Variants in USP19 observed in about 807,000 individuals in gnomAD.
USP19 encodes the protein ubiquitin specific peptidase 19.
USP19 carries 40 observed loss-of-function variants against 144.8 expected under a neutral mutation model. The observed-to-expected ratio is 0.28, with a 90% CI of 0.21 to 0.36. The LOEUF (loss-of-function observed/expected upper bound fraction) is 0.36, where lower values mean the gene tolerates loss of function less well. Ranked by LOEUF, USP19 falls within the 10% of genes least tolerant of loss-of-function variation. USP19 has a pLI of 1.00. For missense variants in USP19, 1,518 were observed against 1,822.5 expected (o/e 0.83, Z 3.04); for synonymous variants, 701 against 709.3 (o/e 0.99, Z 0.19).
chr3:49,118,753 A>G (rs2044624810), intron 2 of USP19, among the ~76,000 whole-genome samples: 1 of 152,126 alleles, frequency 6.6e-6, no homozygotes, highest in Non-Finnish European at 1.5e-5. Flanking sequence ...TCTCAAAAAA[A>G]AAAGGAAAAA....
At position 49,112,397 on chromosome 3, in the gene USP19, G is replaced by A. The variant is rs1208489084; in HGVS notation, c.2652C>T (p.Pro884=). ...TGGAGATGGGGACGCTGGGCACCTG[G>A]GGGCGCTAGGGTGGGTCGTCTGGCT... is the stretch of plus-strand genomic sequence containing the variant. ...RVVVLEVQQR[P]QVPSVPISKC... Residue 884 remains proline, a synonymous_variant, in exon 19 of 27, where the codon CCC becomes CCT. Coordinates refer to ENST00000417901, the MANE Select transcript of USP19 (RefSeq NM_001199161.2). The surrounding 1 kb of genome is among the most constrained non-coding windows in gnomAD (Gnocchi z 4.9). 2.5e-6 allele frequency: 4 copies of A among 1,613,966 alleles called. No homozygotes were observed. Among genetic ancestry groups the A allele is most frequent in the Non-Finnish European group, 3.4e-6 (4 of 1,179,950 alleles).
chr3:49,111,655 G>A lies in USP19; in HGVS notation c.3062C>T (p.Pro1021Leu). The A allele has an allele frequency of 6.2e-7, 1 of 1,604,540 alleles. No homozygotes were observed. The highest frequency in any genetic ancestry group is 8.5e-7 in the Non-Finnish European group (1 of 1,174,878). ...AAGCCCTGTGTCCCCCTCAGCCATA[G>A]GGGTCACCAGCTGGAGCTCAGGTGG... ...IQPPELQLVT[P>L]MAEGDTGLPR... Residue 1021 changes from proline (P) to leucine (L), a missense_variant, in exon 21 of 27, where the codon CCT becomes CTT. Pro to Leu is a moderately conservative substitution (Grantham distance 98). Coordinates refer to ENST00000417901, the MANE Select transcript of USP19 (RefSeq NM_001199161.2). This position sits in a 1 kb window ranked among gnomAD's most constrained non-coding sequence, Gnocchi z 5.9.
Position 49,117,551 on chromosome 3 carries a change from A to G in USP19, c.492T>C (p.Gly164=), listed in dbSNP as rs2044370645. 6.2e-7 allele frequency: 1 copy of G among 1,613,946 alleles called. No individual in the cohort carries two copies. Among genetic ancestry groups the G allele is most frequent in the African/African-American group, 1.3e-5 (1 of 74,896 alleles). Reference sequence around the variant, plus strand: ...AGCTTTTTATCTCAGCATAGAAGACACCACCCCACTGCTGACCACCTGGGG... The same window carrying G: ...AGCTTTTTATCTCAGCATAGAAGACGCCACCCCACTGCTGACCACCTGGGG... ...VRFAGGQQWG[G]VFYAEIKSSC... is the part of the protein sequence containing the mutation. The change falls in exon 5 of 27, where the codon GGT becomes GGC. Residue 164 remains glycine, a synonymous_variant. Transcript: ENST00000417901. The surrounding 1 kb of genome is among the most constrained non-coding windows in gnomAD (Gnocchi z 4.4).
chr3:49,119,287 G>C lies in USP19; in HGVS notation c.-136-6C>G. 1 of 1,194,630 alleles carries C rather than the reference G, an allele frequency of 8.4e-7. No homozygotes were observed. The highest frequency in any genetic ancestry group is 1.1e-6 in the Non-Finnish European group (1 of 876,874). 74.0% of individuals were successfully genotyped at this position (1,194,630 alleles called of 1,614,324 possible). A position where few individuals can be genotyped will look rare whatever the true frequency, so the allele number is the denominator to read the frequency against. On this transcript the variant is annotated splice_polypyrimidine_tract_variant and splice_region_variant and intron_variant, in intron 1 of 26. Coordinates refer to ENST00000417901, the MANE Select transcript of USP19 (RefSeq NM_001199161.2). Reference sequence around the variant, plus strand: ...TCCAGCAAGGAACGGACAGCCTAATGGAAAGAAGCCAGTGATCACTGCCAA... The same window carrying C: ...TCCAGCAAGGAACGGACAGCCTAATCGAAAGAAGCCAGTGATCACTGCCAA...
Position 49,110,903 on chromosome 3 carries a change from T to C in USP19, c.3546-40A>G, listed in dbSNP as rs2043054742. On this transcript the variant is annotated intron_variant, in intron 23 of 26. Transcript: ENST00000417901. The surrounding 1 kb of genome is among the most constrained non-coding windows in gnomAD (Gnocchi z 6.1). ...GATTGGGTCAGGACCAGCAAGTCTC[T>C]CTCTTCTCCATCCTGCCCCCTTATC... 3.7e-6 allele frequency: 6 copies of C among 1,613,548 alleles called. No individual in the cohort carries two copies. In the Admixed American group the frequency reaches 5.0e-5, roughly 13 times the overall value.
At position 49,115,503 on chromosome 3, in the gene USP19, A is replaced by G; in HGVS notation, c.1829T>C (p.Phe610Ser). ...TGLVNLGNTC[F>S]MNSVIQSLSN... is the part of the protein sequence containing the mutation. ...CAGAGACTGAATGACGCTGTTCATGAAGCAGGTGTTGCCTAAATTGACAAG... is the reference window on the plus strand; with the variant it reads ...CAGAGACTGAATGACGCTGTTCATGGAGCAGGTGTTGCCTAAATTGACAAG... Residue 610 changes from phenylalanine (F) to serine (S), a missense_variant, in exon 12 of 27, where the codon TTC (phenylalanine) becomes TCC (serine). This residue lies in a region of USP19 where 158 missense variants were observed against 277.3 expected (regional missense o/e 0.57). Transcript: ENST00000417901. This position sits in a 1 kb window ranked among gnomAD's most constrained non-coding sequence, Gnocchi z 6.6. 6.2e-7 allele frequency: 1 copy of G among 1,614,178 alleles called. No individual in the cohort carries two copies. The highest frequency in any genetic ancestry group is 8.5e-7 in the Non-Finnish European group (1 of 1,180,020).
At position 49,111,353 on chromosome 3, in the gene USP19, C is replaced by T; in HGVS notation, c.3230G>A (p.Gly1077Glu). Residue 1077 changes from glycine (G) to glutamate (E), a missense_variant, in exon 22 of 27, where the codon GGG becomes GAG. Gly to Glu is a moderately conservative substitution (Grantham distance 98, BLOSUM62 -2). This residue lies in a region of USP19 where 413 missense variants were observed against 515.8 expected (regional missense o/e 0.80). Transcript: ENST00000417901. The surrounding 1 kb of genome is among the most constrained non-coding windows in gnomAD (Gnocchi z 5.9). ...RVSRPEAAVPGYQHPSEAMNA... is the reference protein window; with the variant it reads ...RVSRPEAAVPEYQHPSEAMNA... ...CATAGCTTCACTTGGATGCTGGTAC[C>T]CAGGCACAGCAGCTGTGTGAGAACA... 5 of 1,614,100 alleles carry T rather than the reference C, an allele frequency of 3.1e-6. No individual in the cohort carries two copies. The highest frequency in any genetic ancestry group is 4.2e-6 in the Non-Finnish European group (5 of 1,180,026).
chr3:49,113,434 G>A (rs549659912), intron 17 of USP19, among the ~76,000 whole-genome samples: 210 of 151,678 alleles, frequency 1.4e-3, no homozygotes, highest in Non-Finnish European at 2.4e-3. Flanking sequence ...GTGCCACCAC[G>A]CCCGGCTAAC....
At chr3:49,109,109 C>CCCCAGGGA (rs1559981834) in intron 26 of USP19, 3 of 1,570,524 alleles carry the variant, frequency 1.9e-6, no homozygotes, top group Non-Finnish European at 2.6e-6. Context: ...GTCTTGGGGC[C>CCCCAGGGA]CCCAGGGACC....
At position 49,114,070 on chromosome 3, in the gene USP19, C is replaced by T; in HGVS notation, c.2427G>A (p.Glu809=). Residue 809 remains glutamate, a synonymous_variant, in exon 17 of 27, where the codon GAG becomes GAA. Coordinates refer to ENST00000417901, the MANE Select transcript of USP19 (RefSeq NM_001199161.2). The surrounding 1 kb of genome is among the most constrained non-coding windows in gnomAD (Gnocchi z 4.5). ...CCAATACTTCGCTCGCAGTGGAGTT[C>T]TCCTTGCTGACGCTCACCAGGAACT... ...PIKFLVSVSK[E]NSTASEVLDS... 1.9e-6 allele frequency: 3 copies of T among 1,614,232 alleles called. No homozygotes were observed. The highest frequency in any genetic ancestry group is 2.5e-6 in the Non-Finnish European group (3 of 1,180,044).
rs769164646 is a variant in USP19 at position 49,110,906 on chromosome 3, C to T, written c.3546-43G>A. On this transcript the variant is annotated intron_variant, in intron 23 of 26. Transcript: ENST00000417901. This position sits in a 1 kb window ranked among gnomAD's most constrained non-coding sequence, Gnocchi z 6.1. ...TGGGTCAGGACCAGCAAGTCTCTCT[C>T]TTCTCCATCCTGCCCCCTTATCTAC... is the stretch of plus-strand genomic sequence containing the variant. 30 of 1,613,736 alleles carry T rather than the reference C, an allele frequency of 1.9e-5. No individual in the cohort carries two copies. Among genetic ancestry groups the T allele is most frequent in the Non-Finnish European group, 2.5e-5 (29 of 1,179,670 alleles).
Position 49,112,122 on chromosome 3 carries a change from G to A in USP19, c.2766-74C>T. The A allele has an allele frequency of 6.3e-7, 1 of 1,581,246 alleles. No individual in the cohort carries two copies. The highest frequency in any genetic ancestry group is 8.6e-7 in the Non-Finnish European group (1 of 1,162,030). Reference sequence around the variant, plus strand: ...GACTCCATACTGGGGGCTAGTCATAGTCCCTGGGAACTGGGTACGCCAGCC... The same window carrying A: ...GACTCCATACTGGGGGCTAGTCATAATCCCTGGGAACTGGGTACGCCAGCC... On this transcript the variant is annotated intron_variant, in intron 19 of 26. Coordinates refer to ENST00000417901, the MANE Select transcript of USP19 (RefSeq NM_001199161.2). This position sits in a 1 kb window ranked among gnomAD's most constrained non-coding sequence, Gnocchi z 4.9.
At position 49,117,202 on chromosome 3, in the gene USP19, C is replaced by A. The variant is rs1332853625; in HGVS notation, c.766G>T (p.Ala256Ser). ...KRAQGRGEVGAGAGPGAQAGP... is the reference protein window; with the variant it reads ...KRAQGRGEVGSGAGPGAQAGP... Reference sequence around the variant, plus strand: ...GCCTGGGCCCCGGGGCCAGCCCCTGCGCCTACCTCACCACGGCCCTGGGCC... The same window carrying A: ...GCCTGGGCCCCGGGGCCAGCCCCTGAGCCTACCTCACCACGGCCCTGGGCC... The change falls in exon 6 of 27, where the codon GCA (alanine) becomes TCA (serine). Residue 256 changes from alanine (A) to serine (S), a missense_variant. Ala to Ser is a moderately conservative substitution (Grantham distance 99). Transcript: ENST00000417901. The surrounding 1 kb of genome is among the most constrained non-coding windows in gnomAD (Gnocchi z 4.4). 1.3e-6 allele frequency: 2 copies of A among 1,547,862 alleles called. No homozygotes were observed. The highest frequency in any genetic ancestry group is 4.9e-5 in the East Asian group (2 of 40,902).
In USP19 at chr3:49,117,512, C is replaced by T. The variant is rs767006129; in HGVS notation, c.531G>A (p.Val177=). ...GCAGGAGACTGCCCTTGCGGGTTTG[C>T]ACTTTAGCACAAGAGCTTTTTATCT... ...YAEIKSSCAK[V]QTRKGSLLHL... Residue 177 remains valine (V), a synonymous_variant, in exon 5 of 27, where the codon GTG becomes GTA. Coordinates refer to ENST00000417901, the MANE Select transcript of USP19 (RefSeq NM_001199161.2). The surrounding 1 kb of genome is among the most constrained non-coding windows in gnomAD (Gnocchi z 4.4). 5 of 1,614,118 alleles carry T rather than the reference C, an allele frequency of 3.1e-6. No individual in the cohort carries two copies. Among genetic ancestry groups the T allele is most frequent in the Non-Finnish European group, 4.2e-6 (5 of 1,180,044 alleles).
chr3:49,110,432 G>C lies in USP19; in HGVS notation c.3859+12C>G. On this transcript the variant is annotated intron_variant, in intron 25 of 26. Coordinates refer to ENST00000417901, the MANE Select transcript of USP19 (RefSeq NM_001199161.2). The surrounding 1 kb of genome is among the most constrained non-coding windows in gnomAD (Gnocchi z 6.1). ...CCCTACCACCTATCCTGCTGGCTGTGTGTGCCCTCACCCACGTCACTGCGC... is the reference window on the plus strand; with the variant it reads ...CCCTACCACCTATCCTGCTGGCTGTCTGTGCCCTCACCCACGTCACTGCGC... 6.2e-7 allele frequency: 1 copy of C among 1,613,348 alleles called. No homozygotes were observed. Among genetic ancestry groups the C allele is most frequent in the South Asian group, 1.1e-5 (1 of 91,006 alleles).
chr3:49,110,286 G>A lies in USP19; in HGVS notation c.3936C>T (p.Leu1312=). The change falls in exon 26 of 27, where the codon CTC becomes CTT. Residue 1312 remains leucine, a synonymous_variant. Coordinates refer to ENST00000417901, the MANE Select transcript of USP19 (RefSeq NM_001199161.2). This position sits in a 1 kb window ranked among gnomAD's most constrained non-coding sequence, Gnocchi z 6.1. The stretch of plus-strand genomic sequence containing the variant: ...CAGGAGAGTTCCGCCGGCGGTAGAA[G>A]AGTACATAGGCATAACGCGTCACAA... ...SQVVTRYAYV[L]FYRRRNSPVE... The A allele has an allele frequency of 6.2e-7, 1 of 1,608,000 alleles. No individual in the cohort carries two copies. The highest frequency in any genetic ancestry group is 8.5e-7 in the Non-Finnish European group (1 of 1,176,128).
intron 2 of USP19, 95 bp from the exon 3 acceptor site, chr3:49,118,215 C>T (rs543531822): frequency 4.8e-5 from 27 of 561,070 alleles, no homozygotes; most frequent in African/African-American, 4.4e-4. Flanking sequence ...CAGTAAGCTA[C>T]GATCACACCT....
rs1281096513 is a variant in USP19, at chr3:49,115,218, C to T, written c.2022+10G>A. 6.2e-7 allele frequency: 1 copy of T among 1,613,716 alleles called. No individual in the cohort carries two copies. Among genetic ancestry groups the T allele is most frequent in the South Asian group, 1.1e-5 (1 of 91,048 alleles). ...CCCTCCAGCCAAGGGTGACAGTGGT[C>T]ACAGATCACCTTCAACTTGGAAGGC... is the stretch of plus-strand genomic sequence containing the variant. On this transcript the variant is annotated intron_variant, in intron 13 of 26. Coordinates refer to ENST00000417901, the MANE Select transcript of USP19 (RefSeq NM_001199161.2). This position sits in a 1 kb window ranked among gnomAD's most constrained non-coding sequence, Gnocchi z 6.6.
At chr3:49,119,798 C>T (rs1330730776) in intron 1 of USP19, among the ~76,000 whole-genome samples, 2 of 152,182 alleles carry the variant, frequency 1.3e-5, no homozygotes, top group Non-Finnish European at 2.9e-5. Context: ...CTAAGGCACT[C>T]CACCTGCCTC....
Sources: allele counts gnomAD v4.1 joint callset (sites outside exome capture counted in the v4.1 genomes callset), GRCh38; gene constraint gnomAD v4.1.1; regional missense constraint gnomAD v4.1.1; non-coding constraint Gnocchi (gnomAD v3.1); transcripts MANE v1.5; gene names NCBI Gene and HGNC (gene_info 2026-07-23, HGNC 2026-07-21).